The following ASB4 variants were observed in gnomAD, a reference collection of about 807,000 sequenced individuals.
ASB4 encodes ankyrin repeat and SOCS box containing 4.
In ASB4, 35 loss-of-function variants were observed where a neutral mutation model predicts 38.6. The ratio of observed to expected loss-of-function variants is 0.91; its 90% CI spans 0.69 to 1.20. The LOEUF (loss-of-function observed/expected upper bound fraction) is 1.20, where lower values mean the gene tolerates loss of function less well. ASB4 is among the 50% of genes most tolerant of loss of function. The probability of loss-of-function intolerance (pLI) is 0.00; values close to 1 mark genes in which losing one functional copy is unlikely to be tolerated. For missense variants in ASB4, 557 were observed against 527.2 expected (o/e 1.06, Z -0.55); for synonymous variants, 195 against 201.3 (o/e 0.97, Z 0.26).
At chr7:95,513,454 T>A (rs1335576123) in intron 2 of ASB4, among the ~76,000 whole-genome samples, 2 of 151,958 alleles carry the variant, frequency 1.3e-5, no homozygotes, top group Non-Finnish European at 2.9e-5. Flanking sequence ...TACAGTCTGT[T>A]GCCAGAGCCC....
chr7:95,533,419 C>T (rs1189843311), intron 3 of ASB4, among the ~76,000 whole-genome samples: 1 of 152,206 alleles, frequency 6.6e-6, no homozygotes, highest in African/African-American at 2.4e-5. Context: ...GAGGACAGGG[C>T]AGCCCTAGCT....
At chr7:95,480,264 T>G (rs550766934) in intron 1 of ASB4, among the ~76,000 whole-genome samples, 16 of 152,306 alleles carry the variant, frequency 1.1e-4, no homozygotes, top group African/African-American at 3.8e-4. Flanking sequence ...TTTTTGTCTG[T>G]TCCCTTGTAG....
the ASB4 span, among the ~76,000 whole-genome samples, chr7:95,473,389 G>A: frequency 6.6e-6 from 1 of 152,220 alleles, no homozygotes; most frequent in African/African-American, 2.4e-5. Context: ...GGCACAGAGA[G>A]GGTAAGCAGT....
At chr7:95,534,615 C>A (rs374593546) in intron 3 of ASB4, among the ~76,000 whole-genome samples, 1 of 152,130 alleles carries the variant, frequency 6.6e-6, no homozygotes, top group Non-Finnish European at 1.5e-5. Flanking sequence ...TCTCTGCCCT[C>A]GATGCACTTG....
chr7:95,500,742 G>A (rs1031094906), intron 2 of ASB4, among the ~76,000 whole-genome samples: 3 of 151,992 alleles, frequency 2.0e-5, no homozygotes, highest in African/African-American at 7.3e-5. Flanking sequence ...TGAAAGACTG[G>A]AACCTTTCAG....
At position 95,530,593 on chromosome 7, in the gene ASB4, G is replaced by C. The variant is rs573169639; in HGVS notation, c.978+2290G>C. Among the ~76,000 whole-genome samples the C allele has an allele frequency of 2.0e-5, 3 of 152,270 alleles. No individual in the cohort carries two copies. In the South Asian group the frequency reaches 6.2e-4, roughly 32 times the overall value. On this transcript the variant is annotated intron_variant, in intron 3 of 4. Transcript: ENST00000325885. Reference sequence around the variant, plus strand: ...AGGTAGGAGAGGGCTAAGCATGTTTGAGGGAGAGCAAGGAAGCCTCAGTGG... The same window carrying C: ...AGGTAGGAGAGGGCTAAGCATGTTTCAGGGAGAGCAAGGAAGCCTCAGTGG...
Position 95,486,674 on chromosome 7 carries a change from C to T in ASB4, c.187+516C>T, listed in dbSNP as rs531072337. 2.6e-5 allele frequency among the ~76,000 whole-genome samples: 4 copies of T among 152,294 alleles called. No homozygotes were observed. The South Asian group carries it at 6.2e-4, about 24-fold the overall frequency. On this transcript the variant is annotated intron_variant, in intron 1 of 4. Coordinates refer to ENST00000325885, the MANE Select transcript of ASB4 (RefSeq NM_016116.3). Reference sequence around the variant, plus strand: ...GCGGTGCCACAGGCACCTTCATGGTCTTCTTCATTTTAATGAGTTTTCAGT... The same window carrying T: ...GCGGTGCCACAGGCACCTTCATGGTTTTCTTCATTTTAATGAGTTTTCAGT...
At chr7:95,477,881 C>G (rs1789991722), upstream of ASB4, among the ~76,000 whole-genome samples, 1 of 152,134 alleles carries the variant, frequency 6.6e-6, no homozygotes, top group African/African-American at 2.4e-5. Context: ...CTCCTCTTTC[C>G]CATTCCTAAC....
intron 3 of ASB4, 62 bp from the exon 4 acceptor site, chr7:95,536,375 G>T: frequency 9.3e-7 from 1 of 1,076,032 alleles, no homozygotes; most frequent in South Asian, 1.4e-5. Context: ...ATGTCTCTGT[G>T]AGCAGAATGA....
chr7:95,548,018 T>C, the ASB4 span, among the ~76,000 whole-genome samples: 1 of 152,246 alleles, frequency 6.6e-6, no homozygotes, highest in Non-Finnish European at 1.5e-5. Flanking sequence ...ACTAATACAA[T>C]GGATGAATAT....
chr7:95,534,085 C>T (rs1040376089), intron 3 of ASB4, among the ~76,000 whole-genome samples: 2 of 148,848 alleles, frequency 1.3e-5, no homozygotes, highest in East Asian at 3.9e-4. Flanking sequence ...TGGCTTACAC[C>T]TGTAATCCCA....
chr7:95,545,038 CT>C (rs10678864), downstream of ASB4, among the ~76,000 whole-genome samples: 773 of 147,588 alleles, frequency 5.2e-3, 2 homozygotes, highest in African/African-American at 0.013. Flanking sequence ...AAAGATCCAG[CT>C]TTTTTTTTTT....
intron 3 of ASB4, among the ~76,000 whole-genome samples, chr7:95,535,272 C>T (rs574191751): frequency 6.6e-6 from 1 of 152,284 alleles, no homozygotes; most frequent in East Asian, 1.9e-4. Context: ...TTTTGCTCAA[C>T]AGTAATAGGT....
intron 3 of ASB4, chr7:95,528,706 G>A (rs1790780540): frequency 4.7e-6 from 5 of 1,064,016 alleles, no homozygotes; most frequent in South Asian, 8.5e-5. Flanking sequence ...AGCCATGAAA[G>A]GGCCACCCGA....
intron 2 of ASB4, among the ~76,000 whole-genome samples, chr7:95,513,255 T>G (rs1190505383): frequency 1.1e-3 from 21 of 18,902 alleles, no homozygotes; most frequent in Admixed American, 2.1e-3. Context: ...TTTTGTTTGT[T>G]TTTTTTTTTT....
At chr7:95,535,052 TCACA>T (rs1217216872) in intron 3 of ASB4, among the ~76,000 whole-genome samples, 3 of 151,088 alleles carry the variant, frequency 2.0e-5, no homozygotes, top group South Asian at 4.2e-4. Flanking sequence ...ACACACTCAC[TCACA>T]CACACACACA....
chr7:95,471,217 G>A, the ASB4 span, among the ~76,000 whole-genome samples: 3 of 152,216 alleles, frequency 2.0e-5, no homozygotes, highest in Admixed American at 6.5e-5. Flanking sequence ...AAAGACGCAC[G>A]TCCCCTTCAA....
chr7:95,537,266 A>G (rs1562823767), intron 4 of ASB4, among the ~76,000 whole-genome samples: 1 of 152,226 alleles, frequency 6.6e-6, no homozygotes, highest in South Asian at 2.1e-4. Flanking sequence ...GAATATATGC[A>G]TCACACCAAG....
At chr7:95,546,667 T>C in the ASB4 span, among the ~76,000 whole-genome samples, 1 of 152,106 alleles carries the variant, frequency 6.6e-6, no homozygotes, top group Non-Finnish European at 1.5e-5. Flanking sequence ...TTGCTTAGAG[T>C]TGATAGGCAA....
Sources: allele counts gnomAD v4.1 joint callset (sites outside exome capture counted in the v4.1 genomes callset), GRCh38; gene constraint gnomAD v4.1.1; transcripts MANE v1.5; gene names NCBI Gene and HGNC (gene_info 2026-07-23, HGNC 2026-07-21).